The following MEGF11 variants were observed in gnomAD, a reference collection of about 807,000 sequenced individuals.
The protein encoded by MEGF11 is multiple EGF like domains 11, also known as multiple epidermal growth factor-like domains protein 11.
A neutral mutation model predicts 146.6 loss-of-function variants in MEGF11; 126 were observed. The observed-to-expected ratio is 0.86, with a 90% CI of 0.74 to 1.00. The LOEUF is 1.00. MEGF11 is among the 50% of genes least tolerant of loss of function. The pLI, the probability that MEGF11 is intolerant of heterozygous loss-of-function variation, is 0.00. For missense variants in MEGF11, 1,509 were observed against 1,521.2 expected (o/e 0.99, Z 0.13); for synonymous variants, 532 against 583.4 (o/e 0.91, Z 1.27).
rs1003973102 is a variant in MEGF11, at chr15:66,227,908, C to T, written c.-9+25697G>A. 9.2e-5 allele frequency among the ~76,000 whole-genome samples: 14 copies of T among 152,290 alleles called. 1 individual carries two copies. The highest frequency in any genetic ancestry group is 3.4e-4 in the African/African-American group (14 of 41,554). On this transcript the variant is annotated intron_variant, in intron 1 of 25. Coordinates refer to ENST00000395614, the MANE Select transcript of MEGF11 (RefSeq NM_001385028.1). Reference sequence around the variant, plus strand: ...CAGCCTCTGGGTGCTCCAGCCTTCCCGTCAGACTCCACCACCTCCCCACTC... The same window carrying T: ...CAGCCTCTGGGTGCTCCAGCCTTCCTGTCAGACTCCACCACCTCCCCACTC...
intron 14 of MEGF11, 74 bp downstream of exon 14, chr15:65,922,749 T>C: frequency 2.6e-6 from 4 of 1,535,910 alleles, no homozygotes; most frequent in East Asian, 2.3e-5. Context: ...TCTCAGGCCA[T>C]GGCTAGTTCC....
intron 1 of MEGF11, among the ~76,000 whole-genome samples, chr15:66,177,638 C>A (rs866725439): frequency 1.3e-5 from 2 of 151,740 alleles, no homozygotes; most frequent in Non-Finnish European, 2.9e-5. Context: ...ACTCAGAGCA[C>A]AGCACCCTGT....
chr15:66,118,255 C>G (rs919829981), intron 4 of MEGF11, among the ~76,000 whole-genome samples: 15 of 151,584 alleles, frequency 9.9e-5, no homozygotes, highest in African/African-American at 3.6e-4. Context: ...GGAAAGAGTC[C>G]CTTAGAACCC....
chr15:66,208,476 T>A (rs2091357432), intron 1 of MEGF11, among the ~76,000 whole-genome samples: 1 of 152,182 alleles, frequency 6.6e-6, no homozygotes, highest in Non-Finnish European at 1.5e-5. Context: ...ATGAAAAATG[T>A]ATCAATAATT....
chr15:65,946,116 G>A (rs777935365), intron 10 of MEGF11, among the ~76,000 whole-genome samples: 8 of 152,154 alleles, frequency 5.3e-5, no homozygotes, highest in African/African-American at 9.7e-5. Context: ...TGCTTTCAGC[G>A]TTTTATTATT....
rs543190287 is a variant in MEGF11, at chr15:65,937,134, T to C, written c.1288-6191A>G. Among the ~76,000 whole-genome samples the C allele has an allele frequency of 2.0e-5, 3 of 152,344 alleles. No individual in the cohort carries two copies. The East Asian group carries it at 5.8e-4, about 29-fold the overall frequency. On this transcript the variant is annotated intron_variant, in intron 10 of 25. Transcript: ENST00000395614. Reference sequence around the variant, plus strand: ...GGGCCCGCAAGGCAGAGCTGGGACTTGCAGGCCACTGCTCCCAGGGAACTG... The same window carrying C: ...GGGCCCGCAAGGCAGAGCTGGGACTCGCAGGCCACTGCTCCCAGGGAACTG...
chr15:65,919,915 T>A, intron 15 of MEGF11, among the ~76,000 whole-genome samples: 1 of 132,566 alleles, frequency 7.5e-6, no homozygotes, highest in South Asian at 2.2e-4. Context: ...GGCCAAACTT[T>A]TAATTTAAAC....
chr15:66,245,507 C>T (rs2092283351), intron 1 of MEGF11, among the ~76,000 whole-genome samples: 1 of 151,940 alleles, frequency 6.6e-6, no homozygotes, highest in African/African-American at 2.4e-5. Context: ...TGGCATACAC[C>T]TGTGGTCCCA....
At chr15:66,042,162 G>A (rs1217765897) in intron 5 of MEGF11, among the ~76,000 whole-genome samples, 4 of 150,048 alleles carry the variant, frequency 2.7e-5, no homozygotes, top group Admixed American at 6.7e-5. Context: ...CCAGGCTGGA[G>A]TGCAGTGGTG....
At chr15:66,130,730 G>GAGGGAGGA (rs56371892) in intron 1 of MEGF11, among the ~76,000 whole-genome samples, 51 of 141,082 alleles carry the variant, frequency 3.6e-4, no homozygotes, top group South Asian at 2.2e-3. Flanking sequence ...AAGAGGGAGG[G>GAGGGAGGA]AGGAAGGAAG....
intron 5 of MEGF11, among the ~76,000 whole-genome samples, chr15:65,987,737 G>C (rs2081912360): frequency 6.6e-6 from 1 of 151,984 alleles, no homozygotes; most frequent in Non-Finnish European, 1.5e-5. Context: ...TTTTGACAGA[G>C]TCTTACTCTG....
At chr15:66,141,848 G>A (rs533774351) in intron 1 of MEGF11, among the ~76,000 whole-genome samples, 7 of 152,254 alleles carry the variant, frequency 4.6e-5, no homozygotes, top group East Asian at 1.9e-4. Flanking sequence ...TAAATGAGCC[G>A]ATTGTGCCTC....
At chr15:66,068,154 A>G (rs1206885821) in intron 5 of MEGF11, among the ~76,000 whole-genome samples, 1 of 152,210 alleles carries the variant, frequency 6.6e-6, no homozygotes, top group Non-Finnish European at 1.5e-5. Flanking sequence ...TCTTATTATC[A>G]TTATTCCTTA....
intron 2 of MEGF11, among the ~76,000 whole-genome samples, chr15:66,126,875 T>C (rs940477041): frequency 4.6e-5 from 7 of 152,160 alleles, no homozygotes; most frequent in Admixed American, 3.9e-4. Flanking sequence ...GTAGAAAGCT[T>C]ATGAAAAATG....
At chr15:65,916,006 T>G in intron 18 of MEGF11, 142 bp downstream of exon 18, 1 of 1,088,052 alleles carries the variant, frequency 9.2e-7, no homozygotes, top group Non-Finnish European at 1.2e-6. Context: ...TTCCTCAGCA[T>G]TTTTCCTTGG....
At chr15:65,984,752 C>T (rs2081793388) in intron 5 of MEGF11, among the ~76,000 whole-genome samples, 1 of 151,274 alleles carries the variant, frequency 6.6e-6, no homozygotes, top group Admixed American at 6.6e-5. Context: ...ATGACAACCA[C>T]ATTTTACTTA....
intron 20 of MEGF11, among the ~76,000 whole-genome samples, chr15:65,912,641 G>C (rs185728539): frequency 5.3e-4 from 80 of 152,306 alleles, no homozygotes; most frequent in African/African-American, 1.9e-3. Context: ...CATAGGGCTG[G>C]GGAATACCAG....
intron 5 of MEGF11, among the ~76,000 whole-genome samples, chr15:66,087,723 G>A (rs2086166241): frequency 6.6e-6 from 1 of 152,092 alleles, no homozygotes; most frequent in Admixed American, 6.6e-5. Flanking sequence ...AAGTCTGAAA[G>A]AACACAAATA....
intron 21 of MEGF11, among the ~76,000 whole-genome samples, chr15:65,910,236 G>T (rs949467822): frequency 1.3e-5 from 2 of 152,146 alleles, no homozygotes; most frequent in African/African-American, 2.4e-5. Flanking sequence ...TCCTGATTGG[G>T]GCTGAATGTG....
Sources: allele counts gnomAD v4.1 joint callset (sites outside exome capture counted in the v4.1 genomes callset), GRCh38; gene constraint gnomAD v4.1.1; transcripts MANE v1.5; gene names NCBI Gene and HGNC (gene_info 2026-07-23, HGNC 2026-07-21).